The following UPP2 variants were observed in gnomAD, a reference collection of about 807,000 sequenced individuals.
UPP2 encodes UPase 2.
Under a neutral mutation model 26.7 loss-of-function variants are expected in UPP2, and 23 were observed. The ratio of observed to expected loss-of-function variants is 0.86; its 90% confidence interval spans 0.62 to 1.22. The LOEUF (loss-of-function observed/expected upper bound fraction) is 1.22, where lower values mean the gene tolerates loss of function less well. Among genes scored for constraint, UPP2 ranks in the 50% most tolerant of loss-of-function variants. The probability of loss-of-function intolerance (pLI) is 0.00; values close to 1 mark genes in which losing one functional copy is unlikely to be tolerated. For missense variants in UPP2, 387 were observed against 396.7 expected (o/e 0.98, Z 0.21); for synonymous variants, 127 against 141.3 (o/e 0.90, Z 0.72).
intron 3 of UPP2, among the ~76,000 whole-genome samples, chr2:158,069,154 G>A (rs1558920651): frequency 6.6e-6 from 1 of 152,012 alleles, no homozygotes; most frequent in Non-Finnish European, 1.5e-5. Context: ...TGGAACAAAT[G>A]ATTGCCAAGG....
At chr2:158,120,703 C>A (rs1683546839) in intron 4 of UPP2, among the ~76,000 whole-genome samples, 1 of 151,948 alleles carries the variant, frequency 6.6e-6, no homozygotes. Flanking sequence ...TGTAACCTAT[C>A]TGTGTTGCCT....
At chr2:158,030,636 C>G (rs1683908076) in intron 3 of UPP2, among the ~76,000 whole-genome samples, 1 of 152,150 alleles carries the variant, frequency 6.6e-6, no homozygotes, top group Admixed American at 6.5e-5. Context: ...GGGCTGATGT[C>G]TAAGCCCAGC....
intron 3 of UPP2, among the ~76,000 whole-genome samples, 195 bp from the exon 4 acceptor site, chr2:158,117,629 C>T (rs749350915): frequency 3.3e-5 from 5 of 151,958 alleles, no homozygotes; most frequent in Admixed American, 6.6e-5. Context: ...CTCTGATCTT[C>T]ACAGATGGAC....
intron 3 of UPP2, among the ~76,000 whole-genome samples, chr2:158,024,526 A>T (rs1683805352): frequency 6.6e-6 from 1 of 152,220 alleles, no homozygotes; most frequent in Admixed American, 6.5e-5. Flanking sequence ...CAATTTGAAG[A>T]GCTCAGAGAG....
chr2:158,043,019 A>G (rs1684102497), intron 3 of UPP2, among the ~76,000 whole-genome samples: 1 of 152,242 alleles, frequency 6.6e-6, no homozygotes, highest in Non-Finnish European at 1.5e-5. Flanking sequence ...ATCTTAAGGT[A>G]GCCCTAAATG....
intron 6 of UPP2, among the ~76,000 whole-genome samples, chr2:158,124,192 T>C (rs562696308): frequency 6.6e-6 from 1 of 152,340 alleles, no homozygotes; most frequent in Non-Finnish European, 1.5e-5. Flanking sequence ...TCTATTACAA[T>C]TGAATTTATT....
intron 1 of UPP2, among the ~76,000 whole-genome samples, chr2:158,103,836 T>A (rs536788072): frequency 6.6e-6 from 1 of 152,300 alleles, no homozygotes; most frequent in Non-Finnish European, 1.5e-5. Context: ...ACACACTGTA[T>A]AACAAGGGAC....
intron 2 of UPP2, among the ~76,000 whole-genome samples, chr2:158,006,334 T>G (rs762830457): frequency 1.3e-5 from 2 of 151,458 alleles, no homozygotes; most frequent in African/African-American, 4.8e-5. Flanking sequence ...CCGGGCGTGG[T>G]GGTGGGCGCC....
intron 2 of UPP2, among the ~76,000 whole-genome samples, chr2:158,013,527 T>G (rs1268598329): frequency 6.6e-6 from 1 of 152,162 alleles, no homozygotes; most frequent in Non-Finnish European, 1.5e-5. Flanking sequence ...AGCACATCAT[T>G]TGTGACTTTT....
intron 3 of UPP2, among the ~76,000 whole-genome samples, chr2:158,115,567 A>G (rs1250417605): frequency 6.6e-6 from 1 of 152,148 alleles, no homozygotes; most frequent in Non-Finnish European, 1.5e-5. Flanking sequence ...TCCTTCTTCT[A>G]TCCCTTACCC....
chr2:158,081,123 T>C (rs13391604), intron 3 of UPP2, among the ~76,000 whole-genome samples: 3,159 of 152,244 alleles, frequency 0.021, 116 homozygotes, highest in African/African-American at 0.072. Flanking sequence ...TACAGTCTCA[T>C]AAATTAAATC....
At chr2:158,065,068 C>T (rs913770619) in intron 3 of UPP2, among the ~76,000 whole-genome samples, 9 of 152,096 alleles carry the variant, frequency 5.9e-5, no homozygotes, top group Admixed American at 2.0e-4. Context: ...CCAGTGAGAT[C>T]GACGCAGTAG....
At chr2:158,004,447 T>C (rs181628275) in intron 2 of UPP2, among the ~76,000 whole-genome samples, 68 of 152,316 alleles carry the variant, frequency 4.5e-4, no homozygotes, top group Admixed American at 3.8e-3. Context: ...CACACTAATT[T>C]TTCCTACTTT....
chr2:158,106,305 G>C, intron 2 of UPP2, 89 bp downstream of exon 2: 1 of 1,094,326 alleles, frequency 9.1e-7, no homozygotes, highest in Non-Finnish European at 1.4e-6. Flanking sequence ...ATACACCTTT[G>C]GCTAGCACAG....
chr2:158,124,140 C>G (rs1683637886), intron 6 of UPP2, among the ~76,000 whole-genome samples: 1 of 152,194 alleles, frequency 6.6e-6, no homozygotes, highest in Non-Finnish European at 1.5e-5. Context: ...CAGGGCTTGA[C>G]AGCAAGTTCA....
intron 2 of UPP2, among the ~76,000 whole-genome samples, chr2:158,112,384 G>T (rs1050592323): frequency 6.6e-6 from 1 of 151,946 alleles, no homozygotes; most frequent in East Asian, 1.9e-4. Flanking sequence ...ATGGTGCTGG[G>T]ACAACTAGAT....
intron 3 of UPP2, among the ~76,000 whole-genome samples, chr2:158,051,606 C>T (rs780227796): frequency 1.9e-4 from 29 of 152,058 alleles, no homozygotes; most frequent in Admixed American, 7.9e-4. Flanking sequence ...CATAGCAAAA[C>T]CCCATCTCTA....
chr2:158,055,837 G>T (rs2105174828), intron 3 of UPP2, among the ~76,000 whole-genome samples: 1 of 152,272 alleles, frequency 6.6e-6, no homozygotes, highest in Non-Finnish European at 1.5e-5. Context: ...AAGCTTAAAA[G>T]GTCACAGGGT....
At chr2:158,011,877 G>T (rs1221997424) in intron 2 of UPP2, among the ~76,000 whole-genome samples, 1 of 152,114 alleles carries the variant, frequency 6.6e-6, no homozygotes, top group Non-Finnish European at 1.5e-5. Context: ...GTGGGGATAG[G>T]GGTGTGTTTG....
Sources: gnomAD v4.1 joint callset for allele counts (sites outside exome capture counted in the v4.1 genomes callset) on GRCh38, gnomAD v4.1.1 for gene constraint, MANE v1.5 for transcripts, NCBI Gene and HGNC (gene_info 2026-07-23, HGNC 2026-07-21) for gene names.